The following BTNL2 variants were observed in gnomAD, a reference collection of about 807,000 sequenced individuals.
The protein encoded by BTNL2 is butyrophilin like 2, also known as butyrophilin-like protein 2.
A neutral mutation model predicts 46.8 loss-of-function variants in BTNL2; 46 were observed. That is an observed-to-expected ratio of 0.98 (90% confidence interval 0.78 to 1.26). The LOEUF (loss-of-function observed/expected upper bound fraction) is 1.26, where lower values mean the gene tolerates loss of function less well. BTNL2 is among the 50% of genes most tolerant of loss of function. BTNL2 has a pLI of 0.00. For synonymous variants in BTNL2, 226 were observed against 229.1 expected, an observed-to-expected ratio of 0.99 and a Z score of 0.12; for missense variants, 461 against 592.6, an observed-to-expected ratio of 0.78 and a Z score of 2.31.
At chr6:32,404,838 AC>A (rs1195573856) in intron 2 of BTNL2, 100 bp downstream of exon 2, 25 of 1,138,746 alleles carry the variant, frequency 2.2e-5, no homozygotes, top group Non-Finnish European at 2.7e-5. Context: ...ATTAGGAATT[AC>A]CTTGATGATT....
Position 32,399,371 on chromosome 6 carries a change from CTCA to C in BTNL2, c.730+2411_730+2413del, listed in dbSNP as rs1332854895. ...CACTGATTCCTTGAAACCTGATAAT[CTCA>C]TCATCATACCACATAATCCTCTTTC... On this transcript the variant is annotated intron_variant, in intron 4 of 7. Transcript: ENST00000454136. This position sits in a 1 kb window ranked among gnomAD's most constrained non-coding sequence, Gnocchi z 5.2. Among the ~76,000 whole-genome samples, 5 of 152,350 alleles carry C rather than the reference CTCA, an allele frequency of 3.3e-5. No individual in the cohort carries two copies. In the East Asian group the frequency reaches 9.6e-4, roughly 29 times the overall value.
At chr6:32,400,025 CTGGGTCTCCAG>C (rs1776655819) in intron 4 of BTNL2, among the ~76,000 whole-genome samples, 1 of 152,190 alleles carries the variant, frequency 6.6e-6, no homozygotes, top group Admixed American at 6.5e-5. Flanking sequence ...ATTGTGTGTG[CTGGGTCTCCAG>C]TGGGTCTCAG....
At chr6:32,400,745 T>TA (rs55703731) in intron 4 of BTNL2, among the ~76,000 whole-genome samples, 2,933 of 82,152 alleles carry the variant, frequency 0.036, 197 homozygotes, top group African/African-American at 0.12. Context: ...CCGTCTCTAC[T>TA]AAAAAAAAAA....
intron 4 of BTNL2, among the ~76,000 whole-genome samples, chr6:32,398,920 CT>C (rs9281773): frequency 1.1e-4 from 16 of 151,786 alleles, no homozygotes; most frequent in Non-Finnish European, 1.2e-4. Context: ...GCCTAACCCA[CT>C]TTTTTTTTCT....
At chr6:32,405,818 G>GTTTTTTTTTTTTTTTT (rs1033552860) in intron 1 of BTNL2, among the ~76,000 whole-genome samples, 1 of 128,024 alleles carries the variant, frequency 7.8e-6, no homozygotes, top group Non-Finnish European at 1.6e-5. Context: ...TTTTTTTTTT[G>GTTTTTTTTTTTTTTTT]TTTTTTTTTT....
intron 1 of BTNL2, 43 bp from the exon 2 acceptor site, chr6:32,405,329 G>C (rs896728629): frequency 6.3e-7 from 1 of 1,581,936 alleles, no homozygotes; most frequent in Non-Finnish European, 8.6e-7. Flanking sequence ...ATGCCAATCA[G>C]AAAATCATAT....
Position 32,407,041 on chromosome 6 carries a change from C to A in BTNL2, c.79+4G>T. 6.2e-7 allele frequency: 1 copy of A among 1,612,470 alleles called. No individual in the cohort carries two copies. The highest frequency in any genetic ancestry group is 8.5e-7 in the Non-Finnish European group (1 of 1,179,576). ...TATACAGTAAAGGGAGAAGGGAATC[C>A]TACCTGACTGCTTCATTGTCAGCAG... is the stretch of plus-strand genomic sequence containing the variant. On this transcript the variant is annotated splice_donor_region_variant and intron_variant, in intron 1 of 7. Coordinates refer to ENST00000454136, the MANE Select transcript of BTNL2 (RefSeq NM_001304561.2).
chr6:32,398,630 A>G (rs1776581937), intron 4 of BTNL2, among the ~76,000 whole-genome samples: 2 of 152,070 alleles, frequency 1.3e-5, no homozygotes, highest in African/African-American at 4.8e-5. Flanking sequence ...TGAGGATTTT[A>G]TTCCCTGTCC....
chr6:32,404,710 A>C (rs1777008142), intron 2 of BTNL2, among the ~76,000 whole-genome samples: 1 of 152,236 alleles, frequency 6.6e-6, no homozygotes. Flanking sequence ...CATGGATTCC[A>C]AATAATCCTC....
At chr6:32,398,978 T>C (rs765617820) in intron 4 of BTNL2, among the ~76,000 whole-genome samples, 1 of 152,194 alleles carries the variant, frequency 6.6e-6, no homozygotes, top group African/African-American at 2.4e-5. Flanking sequence ...GCAGGTTTGT[T>C]ACATAGGTAA....
chr6:32,405,442 TG>T, intron 1 of BTNL2, 156 bp from the exon 2 acceptor site: 1 of 818,860 alleles, frequency 1.2e-6, no homozygotes, highest in African/African-American at 1.7e-5. Flanking sequence ...TTTGCACATC[TG>T]TTTGTTACAG....
intron 4 of BTNL2, 63 bp downstream of exon 4, chr6:32,401,722 C>A: frequency 6.6e-7 from 1 of 1,503,880 alleles, no homozygotes; most frequent in South Asian, 1.2e-5. Flanking sequence ...TGGTAGCTCC[C>A]CTCCCTCTGC....
chr6:32,394,164 G>A lies in BTNL2; in HGVS notation c.1361-107C>T, dbSNP rs1028075791. On this transcript the variant is annotated intron_variant, in intron 6 of 7. Transcript: ENST00000454136. This position sits in a 1 kb window ranked among gnomAD's most constrained non-coding sequence, Gnocchi z 4.6. ...AGGCTGGAGAGAAGGGAGAGAATTT[G>A]GCCTCCCAGGAAGCAGTTGGCCTGC... 8.9e-6 allele frequency: 13 copies of A among 1,467,380 alleles called. No homozygotes were observed. The highest frequency in any genetic ancestry group is 1.1e-5 in the Non-Finnish European group (12 of 1,099,882). The allele number at this position is 1,467,380 out of a possible 1,614,324, so 90.9% of individuals were successfully genotyped here.
Position 32,396,466 on chromosome 6 carries a change from G to A in BTNL2, c.731-80C>T. ...GTCATCTCTAAGAACAGCTCCATTG[G>A]AGTTTAGAAACCATGAGCATCCCAG... is the stretch of plus-strand genomic sequence containing the variant. On this transcript the variant is annotated intron_variant, in intron 4 of 7. Coordinates refer to ENST00000454136, the MANE Select transcript of BTNL2 (RefSeq NM_001304561.2). The surrounding 1 kb of genome is among the most constrained non-coding windows in gnomAD (Gnocchi z 4.4). 3 of 1,372,374 alleles carry A rather than the reference G, an allele frequency of 2.2e-6. No individual in the cohort carries two copies. The highest frequency in any genetic ancestry group is 3.0e-6 in the Non-Finnish European group (3 of 994,146). The allele number at this position is 1,372,374 out of a possible 1,614,324, so 85.0% of individuals were successfully genotyped here.
rs761256978 is a variant in BTNL2 at position 32,396,305 on chromosome 6, G to T, written c.812C>A (p.Pro271His). The change falls in exon 5 of 8, where the codon CCC becomes CAC. Residue 271 changes from proline (P) to histidine (H), a missense_variant. Physicochemically the swap from Pro to His is moderately conservative, Grantham distance 77. Coordinates refer to ENST00000454136, the MANE Select transcript of BTNL2 (RefSeq NM_001304561.2). This position sits in a 1 kb window ranked among gnomAD's most constrained non-coding sequence, Gnocchi z 4.4. ...CTCCATGCTCTGTGCATTCGCCTTG[G>T]GGGACAGGTAACAGGTTAGCTGTAT... The part of the protein sequence containing the change: ...EDIQLTCYLS[P>H]KANAQSMEVR... 11 of 1,612,744 alleles carry T rather than the reference G, an allele frequency of 6.8e-6. No individual in the cohort carries two copies. In the East Asian group the frequency reaches 1.8e-4, roughly 26 times the overall value.
chr6:32,395,159 T>C, intron 5 of BTNL2, 134 bp from the exon 6 acceptor site: 1 of 775,208 alleles, frequency 1.3e-6, no homozygotes, highest in Non-Finnish European at 1.9e-6. Flanking sequence ...TGCACTCCAC[T>C]TAGGGATGAG....
rs753422906 is a variant in BTNL2 at position 32,405,272 on chromosome 6, T to C, written c.94A>G (p.Ile32Val). 1.7e-5 allele frequency: 27 copies of C among 1,612,890 alleles called. No individual in the cohort carries two copies. In the South Asian group the frequency reaches 2.9e-4, roughly 17 times the overall value. The part of the protein sequence containing the change: ...TMKQSEDFRV[I>V]GPAHPILAGV... ...GCCAGGATAGGATGAGCAGGGCCAA[T>C]GACTCTAAAGTCTTCTATAAAATAA... is the stretch of plus-strand genomic sequence containing the variant. The change falls in exon 2 of 8, where the codon ATT becomes GTT. Residue 32 changes from isoleucine to valine, a missense_variant. Coordinates refer to ENST00000454136, the MANE Select transcript of BTNL2 (RefSeq NM_001304561.2).
chr6:32,404,772 A>T (rs1164348472), intron 2 of BTNL2, among the ~76,000 whole-genome samples, 167 bp downstream of exon 2: 1 of 152,252 alleles, frequency 6.6e-6, no homozygotes, highest in Non-Finnish European at 1.5e-5. Flanking sequence ...TTTAACACTA[A>T]GCTTGAAGAC....
rs1267215808 is a variant in BTNL2 at position 32,396,985 on chromosome 6, A to G, written c.731-599T>C. Among the ~76,000 whole-genome samples the G allele has an allele frequency of 2.0e-5, 3 of 151,822 alleles. No individual in the cohort carries two copies. Among genetic ancestry groups the G allele is most frequent in the Non-Finnish European group, 4.4e-5 (3 of 68,012 alleles). The stretch of plus-strand genomic sequence containing the variant: ...ACAAAGCGAGACTTTAAAAACAAAC[A>G]AACAAAAAACACCCAGAATAAAGTG... On this transcript the variant is annotated intron_variant, in intron 4 of 7. Coordinates refer to ENST00000454136, the MANE Select transcript of BTNL2 (RefSeq NM_001304561.2). The surrounding 1 kb of genome is among the most constrained non-coding windows in gnomAD (Gnocchi z 4.4).
Sources: allele counts gnomAD v4.1 joint callset (sites outside exome capture counted in the v4.1 genomes callset), GRCh38; gene constraint gnomAD v4.1.1; non-coding constraint Gnocchi (gnomAD v3.1); transcripts MANE v1.5; gene names NCBI Gene and HGNC (gene_info 2026-07-23, HGNC 2026-07-21).